The following ALPK2 variants were observed in gnomAD, a reference collection of about 807,000 sequenced individuals.
ALPK2 encodes the protein alpha-protein kinase 2.
A neutral mutation model predicts 163.1 loss-of-function variants in ALPK2; 127 were observed. The ratio of observed to expected loss-of-function variants is 0.78; its 90% confidence interval spans 0.67 to 0.90. ALPK2 has a LOEUF of 0.90. ALPK2 is among the 40% of genes least tolerant of loss of function. The pLI, the probability that ALPK2 is intolerant of heterozygous loss-of-function variation, is 0.00. For synonymous variants in ALPK2, 953 were observed against 959.1 expected (o/e 0.99, Z 0.12); for missense variants, 2,360 against 2,589.6 (o/e 0.91, Z 1.92).
intron 10 of ALPK2, among the ~76,000 whole-genome samples, chr18:58,509,898 A>G (rs1191781196): frequency 6.6e-6 from 1 of 151,718 alleles, no homozygotes; most frequent in Admixed American, 6.6e-5. Flanking sequence ...ATTAGATCCC[A>G]TTTGTCAATT....
At chr18:58,521,906 C>T (rs568260864) in intron 8 of ALPK2, among the ~76,000 whole-genome samples, 3 of 152,178 alleles carry the variant, frequency 2.0e-5, no homozygotes, top group African/African-American at 4.8e-5. Context: ...GGATTACAGG[C>T]GTGAGCCACC....
chr18:58,551,022 T>C (rs2051756798), intron 4 of ALPK2, among the ~76,000 whole-genome samples: 1 of 151,618 alleles, frequency 6.6e-6, no homozygotes. Flanking sequence ...TTGCATACAA[T>C]TCTCTTCACC....
chr18:58,538,252 G>A, intron 4 of ALPK2, 28 bp from the exon 5 acceptor site: 2 of 1,583,740 alleles, frequency 1.3e-6, no homozygotes, highest in Non-Finnish European at 1.7e-6. Context: ...GATATTAGTA[G>A]AATTGTTCAT....
rs1241782359 is a variant in ALPK2, at chr18:58,611,745, A to G, written c.53T>C (p.Leu18Ser). ...CTTCTCAGGAACCTTCTGGGAAAGC[A>G]ATGTAGATAAAAAACACAGCGGGGG... ...QRPPLCFLST[L>S]LSQKVPEKSD... The change falls in exon 2 of 13, where the codon TTG becomes TCG. Residue 18 changes from leucine to serine, a missense_variant. Leu to Ser is a moderately radical substitution (Grantham distance 145). Coordinates refer to ENST00000361673, the MANE Select transcript of ALPK2 (RefSeq NM_052947.4). The G allele has an allele frequency of 1.2e-6, 2 of 1,612,722 alleles. No homozygotes were observed. The highest frequency in any genetic ancestry group is 1.7e-6 in the Non-Finnish European group (2 of 1,179,510).
chr18:58,573,348 A>ATG (rs1214689137), intron 4 of ALPK2, among the ~76,000 whole-genome samples: 1 of 138,954 alleles, frequency 7.2e-6, no homozygotes, highest in Non-Finnish European at 1.5e-5. Flanking sequence ...ATATATATGT[A>ATG]TATATATATG....
At chr18:58,616,882 A>G (rs926900584) in intron 1 of ALPK2, among the ~76,000 whole-genome samples, 1 of 151,802 alleles carries the variant, frequency 6.6e-6, no homozygotes, top group Non-Finnish European at 1.5e-5. Flanking sequence ...AGAAGCCTTG[A>G]CTTGCAGCTG....
chr18:58,560,849 A>G (rs1040358771), intron 4 of ALPK2, among the ~76,000 whole-genome samples: 5 of 152,364 alleles, frequency 3.3e-5, no homozygotes, highest in Middle Eastern at 3.4e-3. Flanking sequence ...AATTTGCCCA[A>G]TCTGAGTTCT....
intron 4 of ALPK2, among the ~76,000 whole-genome samples, chr18:58,554,140 A>ACG (rs1568083724): frequency 2.0e-5 from 3 of 152,196 alleles, no homozygotes; most frequent in Admixed American, 1.3e-4. Context: ...GATTACAGGC[A>ACG]TGAGCCTCTG....
chr18:58,553,223 G>A (rs2051768915), intron 4 of ALPK2, among the ~76,000 whole-genome samples: 1 of 152,180 alleles, frequency 6.6e-6, no homozygotes, highest in Non-Finnish European at 1.5e-5. Context: ...GAAAATAAAT[G>A]TCTGATGCTT....
chr18:58,534,019 T>C (rs2051629843), intron 5 of ALPK2, among the ~76,000 whole-genome samples: 1 of 152,214 alleles, frequency 6.6e-6, no homozygotes, highest in African/African-American at 2.4e-5. Context: ...TTTTCTCTTC[T>C]GACTTCTACC....
chr18:58,504,018 C>G lies in ALPK2; in HGVS notation c.6160G>C (p.Glu2054Gln), dbSNP rs2051447290. 5.6e-6 allele frequency: 9 copies of G among 1,614,234 alleles called. No individual in the cohort carries two copies. Among genetic ancestry groups the G allele is most frequent in the Non-Finnish European group, 7.6e-6 (9 of 1,180,032 alleles). The change falls in exon 11 of 13, where the codon GAA (glutamate) becomes CAA (glutamine). Residue 2054 changes from glutamate (E) to glutamine (Q), a missense_variant. Coordinates refer to ENST00000361673, the MANE Select transcript of ALPK2 (RefSeq NM_052947.4). ...CAACATTTCTGACCAGCTTCTGATT[C>G]TCTTCTCAAGAAGTTTATTTCTTTC... is the stretch of plus-strand genomic sequence containing the variant. ...DGKEINFLRRESEAGQKCCTF... is the reference protein window; with the variant it reads ...DGKEINFLRRQSEAGQKCCTF...
At chr18:58,588,798 G>T (rs1053966850) in intron 3 of ALPK2, among the ~76,000 whole-genome samples, 10 of 152,300 alleles carry the variant, frequency 6.6e-5, no homozygotes, top group East Asian at 1.9e-4. Context: ...GTATTCCGTG[G>T]TGTATATGTA....
At chr18:58,595,184 G>A (rs991287161) in intron 3 of ALPK2, among the ~76,000 whole-genome samples, 1 of 152,160 alleles carries the variant, frequency 6.6e-6, no homozygotes, top group Non-Finnish European at 1.5e-5. Context: ...CCCCTCACCA[G>A]AGAGACCTTC....
chr18:58,619,345 C>G (rs1000322003), intron 1 of ALPK2, among the ~76,000 whole-genome samples: 9 of 151,522 alleles, frequency 5.9e-5, no homozygotes, highest in Non-Finnish European at 1.5e-5. Flanking sequence ...AGCATAACTT[C>G]TCACAGCCTG....
At chr18:58,527,453 G>A (rs78287391) in intron 6 of ALPK2, among the ~76,000 whole-genome samples, 5,388 of 152,248 alleles carry the variant, frequency 0.035, 109 homozygotes, top group Non-Finnish European at 0.046. Context: ...TTAGCCACGC[G>A]TCATCAGTAA....
At chr18:58,562,927 C>T (rs1049391386) in intron 4 of ALPK2, among the ~76,000 whole-genome samples, 20 of 152,172 alleles carry the variant, frequency 1.3e-4, no homozygotes, top group Admixed American at 4.6e-4. Context: ...CTCATGACCT[C>T]ATCTAAACCC....
chr18:58,623,995 C>A (rs2052215786), intron 1 of ALPK2, among the ~76,000 whole-genome samples: 2 of 152,194 alleles, frequency 1.3e-5, no homozygotes, highest in South Asian at 2.1e-4. Context: ...TATCTAAAAT[C>A]TCCTAAAGTG....
Position 58,535,066 on chromosome 18 carries a change from C to T in ALPK2, c.5121G>A (p.Gly1707=). 1.2e-6 allele frequency: 2 copies of T among 1,614,120 alleles called. No homozygotes were observed. The highest frequency in any genetic ancestry group is 2.2e-5 in the South Asian group (2 of 91,070). Residue 1707 remains glycine (G), a synonymous_variant, in exon 5 of 13, where the codon GGG becomes GGA. Coordinates refer to ENST00000361673, the MANE Select transcript of ALPK2 (RefSeq NM_052947.4). ...CTGGCTTCCTCTTGACCTCCTCTGA[C>T]CCCGTCACTGCTGTGAGGGTCCCTG... The part of the protein sequence containing the change: ...KSPGTLTAVT[G]SEEVKRKPEA...
chr18:58,574,381 G>A (rs1268322703), intron 4 of ALPK2, among the ~76,000 whole-genome samples: 6 of 149,492 alleles, frequency 4.0e-5, no homozygotes, highest in African/African-American at 1.2e-4. Flanking sequence ...CCCAGGAGGC[G>A]GAGGTTGCAG....
Sources: allele counts gnomAD v4.1 joint callset (sites outside exome capture counted in the v4.1 genomes callset), GRCh38; gene constraint gnomAD v4.1.1; transcripts MANE v1.5; gene names NCBI Gene and HGNC (gene_info 2026-07-23, HGNC 2026-07-21).